The following SRGAP1 variants were observed in gnomAD, a reference collection of about 807,000 sequenced individuals.
SRGAP1 encodes SLIT-ROBO Rho GTPase-activating protein 1.
SRGAP1 carries 43 observed loss-of-function variants against 121.9 expected under a neutral mutation model. The observed-to-expected ratio is 0.35, with a 90% CI of 0.28 to 0.46. The LOEUF is 0.46. SRGAP1 is among the 20% of genes least tolerant of loss of function. SRGAP1 has a pLI of 1.00. For synonymous variants in SRGAP1, 447 were observed against 485.4 expected (o/e 0.92, Z 1.04); for missense variants, 1,102 against 1,350.9 (o/e 0.82, Z 2.89).
intron 1 of SRGAP1, among the ~76,000 whole-genome samples, chr12:63,978,100 G>A (rs1028737142): frequency 2.0e-5 from 3 of 152,186 alleles, no homozygotes; most frequent in African/African-American, 7.2e-5. Flanking sequence ...AAAAAGTACT[G>A]GGTGTGGAAA....
chr12:63,903,383 A>G (rs1176679501), intron 1 of SRGAP1, among the ~76,000 whole-genome samples: 2 of 151,736 alleles, frequency 1.3e-5, no homozygotes, highest in African/African-American at 4.8e-5. Flanking sequence ...TGCAAATTGT[A>G]AATTTGTATT....
At chr12:63,975,798 A>G (rs989680394) in intron 1 of SRGAP1, among the ~76,000 whole-genome samples, 2 of 152,172 alleles carry the variant, frequency 1.3e-5, no homozygotes, top group Non-Finnish European at 2.9e-5. Context: ...GTTCCACACC[A>G]GAAGACAGAA....
At chr12:63,918,724 A>G (rs774999963) in intron 1 of SRGAP1, among the ~76,000 whole-genome samples, 1 of 152,094 alleles carries the variant, frequency 6.6e-6, no homozygotes, top group Admixed American at 6.6e-5. Context: ...CCAGTGCTCT[A>G]TTGCTTTGTT....
At chr12:63,858,700 A>G (rs1899338924) in intron 1 of SRGAP1, among the ~76,000 whole-genome samples, 1 of 152,070 alleles carries the variant, frequency 6.6e-6, no homozygotes, top group Non-Finnish European at 1.5e-5. Context: ...GTCAGTTTTG[A>G]TAAATTATAC....
rs750351170 is a variant in SRGAP1 at position 64,150,934 on chromosome 12, C to CAAAA, written c.*8285_*8288dup. The stretch of plus-strand genomic sequence containing the variant: ...TGGGTGGAAGAGTGAGAAGCTATCT[C>CAAAA]AAAAAAAAAAAAAAAAAAAAAAAAA... On this transcript the variant is annotated 3_prime_UTR_variant, in exon 22 of 22. Coordinates refer to ENST00000355086, the MANE Select transcript of SRGAP1 (RefSeq NM_020762.4). 1.2e-3 allele frequency: 29 copies of CAAAA among 24,716 alleles called. No individual in the cohort carries two copies. Among genetic ancestry groups the CAAAA allele is most frequent in the African/African-American group, 2.4e-3 (27 of 11,220 alleles). 1.5% of individuals were successfully genotyped at this position (24,716 alleles called of 1,614,324 possible). A position where few individuals can be genotyped will look rare whatever the true frequency, so the allele number is the denominator to read the frequency against.
At chr12:64,054,400 G>T (rs1403256356) in intron 6 of SRGAP1, among the ~76,000 whole-genome samples, 1 of 152,138 alleles carries the variant, frequency 6.6e-6, no homozygotes, top group Non-Finnish European at 1.5e-5. Context: ...AAAGCTTTTA[G>T]CCTTATCTTT....
intron 1 of SRGAP1, among the ~76,000 whole-genome samples, chr12:63,942,236 C>T (rs954225195): frequency 2.6e-5 from 4 of 152,178 alleles, no homozygotes; most frequent in Admixed American, 2.6e-4. Context: ...AAGAAAAATA[C>T]TTTATTGTAG....
At chr12:63,858,844 G>A (rs1236795271) in intron 1 of SRGAP1, among the ~76,000 whole-genome samples, 1 of 151,814 alleles carries the variant, frequency 6.6e-6, no homozygotes, top group East Asian at 2.0e-4. Flanking sequence ...CTGGGTTTAC[G>A]GGTGCGTGCC....
rs71457100 is a variant in SRGAP1, at chr12:63,861,302, A to ATTTTTT, written c.67+16429_67+16434dup. 6.0e-5 allele frequency among the ~76,000 whole-genome samples: 8 copies of ATTTTTT among 132,626 alleles called. No homozygotes were observed. In the East Asian group the frequency reaches 1.1e-3, roughly 19 times the overall value. 87.0% of individuals were successfully genotyped at this position (132,626 alleles called of 152,430 possible). ...GGATGGTAGGCATATATATATATAT[A>ATTTTTT]TTTTTTTTTTTTTTTGAGGCAAAGT... On this transcript the variant is annotated intron_variant, in intron 1 of 21. Transcript: ENST00000355086.
intron 1 of SRGAP1, among the ~76,000 whole-genome samples, chr12:63,858,433 G>A (rs1013703339): frequency 1.3e-5 from 2 of 151,632 alleles, no homozygotes; most frequent in African/African-American, 2.4e-5. Flanking sequence ...CTCCTGCCTC[G>A]GCCTTTCAAA....
At chr12:63,883,572 C>T (rs1239657567) in intron 1 of SRGAP1, among the ~76,000 whole-genome samples, 1 of 152,162 alleles carries the variant, frequency 6.6e-6, no homozygotes, top group Non-Finnish European at 1.5e-5. Context: ...TGTCTTCACA[C>T]TGACAGCCCT....
rs139099702 is a variant in SRGAP1 at position 63,917,938 on chromosome 12, T to C, written c.68-66009T>C. 2.5e-3 allele frequency among the ~76,000 whole-genome samples: 383 copies of C among 152,344 alleles called. 1 individual carries two copies. The highest frequency in any genetic ancestry group is 8.8e-3 in the African/African-American group (366 of 41,580). ...CTATTCTCGTCTTGCTGATTTCCTATGCTAGTGGCTAGCACAAATGCAAGA... is the reference window on the plus strand; with the variant it reads ...CTATTCTCGTCTTGCTGATTTCCTACGCTAGTGGCTAGCACAAATGCAAGA... On this transcript the variant is annotated intron_variant, in intron 1 of 21. Transcript: ENST00000355086.
intron 1 of SRGAP1, among the ~76,000 whole-genome samples, chr12:63,875,802 A>G (rs1900011466): frequency 6.6e-6 from 1 of 152,214 alleles, no homozygotes; most frequent in South Asian, 2.1e-4. Context: ...TCTCTGCAAT[A>G]TACAAAGTTT....
rs541265097 is a variant in SRGAP1 at position 64,161,276 on chromosome 12, A to G, written c.*18604A>G. ...GGATCTATCAAGGAAGATTTATTTG[A>G]TTATTTTATCTCCTCCATTCCATCT... On this transcript the variant is annotated 3_prime_UTR_variant, in exon 22 of 22. Coordinates refer to ENST00000355086, the MANE Select transcript of SRGAP1 (RefSeq NM_020762.4). 5.3e-5 allele frequency: 8 copies of G among 152,294 alleles called. No individual in the cohort carries two copies. The highest frequency in any genetic ancestry group is 1.3e-4 in the Admixed American group (2 of 15,284). 9.4% of individuals were successfully genotyped at this position (152,294 alleles called of 1,614,324 possible). A position where few individuals can be genotyped will look rare whatever the true frequency, so the allele number is the denominator to read the frequency against.
chr12:64,118,657 T>C (rs2036559614), intron 18 of SRGAP1, among the ~76,000 whole-genome samples: 1 of 152,194 alleles, frequency 6.6e-6, no homozygotes, highest in South Asian at 2.1e-4. Context: ...TGATTAGTGA[T>C]GTTCAGCATT....
chr12:63,879,756 A>G (rs538963816), intron 1 of SRGAP1, among the ~76,000 whole-genome samples: 2 of 152,216 alleles, frequency 1.3e-5, no homozygotes, highest in Non-Finnish European at 2.9e-5. Flanking sequence ...TTCTACCTCA[A>G]AAGTAGTTAC....
At chr12:64,018,746 T>C (rs2034473055) in intron 4 of SRGAP1, among the ~76,000 whole-genome samples, 1 of 152,216 alleles carries the variant, frequency 6.6e-6, no homozygotes, top group Non-Finnish European at 1.5e-5. Context: ...ATTATATCTA[T>C]ATACCAAATG....
chr12:63,945,535 C>A (rs2032016058), intron 1 of SRGAP1, among the ~76,000 whole-genome samples: 1 of 152,150 alleles, frequency 6.6e-6, no homozygotes, highest in African/African-American at 2.4e-5. Flanking sequence ...TTCCCCAGTA[C>A]TCTTACTGCT....
At chr12:63,933,424 C>T (rs1201121907) in intron 1 of SRGAP1, among the ~76,000 whole-genome samples, 1 of 152,030 alleles carries the variant, frequency 6.6e-6, no homozygotes, top group Admixed American at 6.6e-5. Flanking sequence ...AAGGAAACCA[C>T]TTTTCATTCA....
Sources: gnomAD v4.1 joint callset for allele counts (sites outside exome capture counted in the v4.1 genomes callset) on GRCh38, gnomAD v4.1.1 for gene constraint, MANE v1.5 for transcripts, NCBI Gene and HGNC (gene_info 2026-07-23, HGNC 2026-07-21) for gene names.